Variants in IKZF2 observed in about 807,000 individuals in gnomAD.
The protein encoded by IKZF2 is IKAROS family zinc finger 2, also known as zinc finger protein Helios.
IKZF2 carries 15 observed loss-of-function variants against 49.2 expected under a neutral mutation model. The ratio of observed to expected loss-of-function variants is 0.30; its 90% CI spans 0.20 to 0.47. The LOEUF (loss-of-function observed/expected upper bound fraction) is 0.47. Ranked by LOEUF, IKZF2 falls within the 20% of genes least tolerant of loss-of-function variation. IKZF2 has a pLI of 1.00. For missense variants in IKZF2, 567 were observed against 664.6 expected, an observed-to-expected ratio of 0.85 and a Z score of 1.61; for synonymous variants, 227 against 221.4, an observed-to-expected ratio of 1.03 and a Z score of -0.23.
At chr2:213,015,426 A>C (rs1002070434) in intron 7 of IKZF2, 1 of 152,098 alleles carries the variant, frequency 6.6e-6, no homozygotes, top group African/African-American at 2.4e-5. Context: ...TCACATTGAA[A>C]AAGTATGTCC....
At chr2:213,151,343 A>G (rs1175092564) in intron 1 of IKZF2, 70 bp downstream of exon 1, 1 of 152,224 alleles carries the variant, frequency 6.6e-6, no homozygotes, top group East Asian at 1.9e-4. Flanking sequence ...ACATATTTAT[A>G]TATAATCTAT....
chr2:213,117,493 T>G (rs2059914509), intron 4 of IKZF2, among the ~76,000 whole-genome samples: 1 of 152,176 alleles, frequency 6.6e-6, no homozygotes, highest in African/African-American at 2.4e-5. Flanking sequence ...CAGTAGTTAT[T>G]GAACACCTAC....
At chr2:213,138,439 T>G (rs138287201) in intron 4 of IKZF2, among the ~76,000 whole-genome samples, 2 of 151,940 alleles carry the variant, frequency 1.3e-5, no homozygotes, top group African/African-American at 4.8e-5. Flanking sequence ...ACAAGTAAAT[T>G]AGGATTTTTG....
Position 213,151,448 on chromosome 2 carries a change from C to T in IKZF2, c.-155G>A, listed in dbSNP as rs1441804149. 1.3e-5 allele frequency: 2 copies of T among 152,570 alleles called. No homozygotes were observed. The highest frequency in any genetic ancestry group is 4.8e-5 in the African/African-American group (2 of 41,438). 9.5% of individuals were successfully genotyped at this position (152,570 alleles called of 1,614,324 possible). A position where few individuals can be genotyped will look rare whatever the true frequency, so the allele number is the denominator to read the frequency against. On this transcript the variant is annotated 5_prime_UTR_variant, in exon 1 of 9. Transcript: ENST00000434687. The stretch of plus-strand genomic sequence containing the variant: ...CATGCAGTAAAATAATCCCATCACC[C>T]TTTTGTTTGTGTTTACTGTTAATGT...
At chr2:213,044,748 T>C (rs902432367) in intron 6 of IKZF2, among the ~76,000 whole-genome samples, 1 of 152,162 alleles carries the variant, frequency 6.6e-6, no homozygotes, top group Non-Finnish European at 1.5e-5. Flanking sequence ...TTATGTCAGC[T>C]TTAAAAGGGT....
chr2:213,132,820 C>G (rs182767206), intron 4 of IKZF2, among the ~76,000 whole-genome samples: 1 of 152,292 alleles, frequency 6.6e-6, no homozygotes, highest in African/African-American at 2.4e-5. Flanking sequence ...CCGTCACAAA[C>G]AGAGTAGGTT....
intron 6 of IKZF2, among the ~76,000 whole-genome samples, chr2:213,047,318 G>C (rs551174541): frequency 6.6e-6 from 1 of 152,130 alleles, no homozygotes; most frequent in East Asian, 1.9e-4. Flanking sequence ...GCTACATGGA[G>C]TGGTGAAATG....
At chr2:213,059,231 A>C (rs765506817) in intron 4 of IKZF2, among the ~76,000 whole-genome samples, 27 of 151,816 alleles carry the variant, frequency 1.8e-4, no homozygotes, top group Non-Finnish European at 3.1e-4. Context: ...TTTCTCACTG[A>C]ATTTAAATGC....
intron 6 of IKZF2, among the ~76,000 whole-genome samples, chr2:213,035,243 A>T (rs1698889293): frequency 7.0e-6 from 1 of 143,022 alleles, no homozygotes; most frequent in Non-Finnish European, 1.6e-5. Flanking sequence ...ATGATCAATA[A>T]GTGGAAAATC....
Position 213,147,796 on chromosome 2 carries a change from T to A in IKZF2, c.51A>T (p.Ser17=), listed in dbSNP as rs1191338172. 1.2e-6 allele frequency: 2 copies of A among 1,613,120 alleles called. No homozygotes were observed. Among genetic ancestry groups the A allele is most frequent in the South Asian group, 1.1e-5 (1 of 91,020 alleles). ...DGYITCDNEL[S]PEREHSNMAI... is the part of the protein sequence containing the mutation. ...CCATATTGGAGTGCTCCCTTTCGGGTGAAAGCTCATTGTCACCTGCTTTCA... is the reference window on the plus strand; with the variant it reads ...CCATATTGGAGTGCTCCCTTTCGGGAGAAAGCTCATTGTCACCTGCTTTCA... The change falls in exon 4 of 9, where the codon TCA becomes TCT. Residue 17 remains serine (S), a synonymous_variant. Transcript: ENST00000434687.
chr2:213,019,397 C>A (rs999303412), intron 7 of IKZF2, among the ~76,000 whole-genome samples: 2 of 152,072 alleles, frequency 1.3e-5, no homozygotes, highest in South Asian at 2.1e-4. Context: ...ATATGCCAAG[C>A]TATTTATATG....
intron 6 of IKZF2, among the ~76,000 whole-genome samples, chr2:213,036,798 A>AT (rs1699076702): frequency 6.6e-6 from 1 of 152,158 alleles, no homozygotes; most frequent in African/African-American, 2.4e-5. Context: ...ATTTTCTACC[A>AT]TTTGAGAGTT....
At chr2:213,060,631 A>G (rs1463752140) in intron 4 of IKZF2, among the ~76,000 whole-genome samples, 1 of 151,442 alleles carries the variant, frequency 6.6e-6, no homozygotes, top group African/African-American at 2.4e-5. Context: ...ACTTGGGCAT[A>G]TCTGTGGAAA....
chr2:213,049,941 C>T (rs2125330972), intron 5 of IKZF2, 61 bp from the exon 6 acceptor site: 2 of 1,231,962 alleles, frequency 1.6e-6, no homozygotes, highest in East Asian at 2.7e-5. Flanking sequence ...ACTAATTTGC[C>T]ATCCACTGTT....
chr2:213,148,716 T>G, intron 2 of IKZF2, 72 bp from the exon 3 acceptor site: 2 of 1,308,412 alleles, frequency 1.5e-6, no homozygotes, highest in Middle Eastern at 1.9e-4. Flanking sequence ...CTTAACTTAT[T>G]TGAAGCTCCA....
intron 4 of IKZF2, among the ~76,000 whole-genome samples, chr2:213,128,689 A>G (rs6761270): frequency 0.14 from 20,848 of 151,784 alleles, 3,343 homozygotes; most frequent in African/African-American, 0.39. Flanking sequence ...GTACAGTGGC[A>G]TGATCTCAGC....
intron 4 of IKZF2, among the ~76,000 whole-genome samples, chr2:213,140,300 A>G (rs2060821773): frequency 6.6e-6 from 1 of 151,986 alleles, no homozygotes; most frequent in South Asian, 2.1e-4. Flanking sequence ...TGTCCCATCT[A>G]GGTAACCTCA....
intron 4 of IKZF2, among the ~76,000 whole-genome samples, chr2:213,081,523 GAA>G (rs1352851060): frequency 2.0e-5 from 3 of 152,158 alleles, no homozygotes; most frequent in Non-Finnish European, 4.4e-5. Context: ...GGTATAAGGA[GAA>G]GATATAAAAG....
chr2:213,047,694 A>G (rs934641326), intron 6 of IKZF2, among the ~76,000 whole-genome samples: 5 of 152,136 alleles, frequency 3.3e-5, no homozygotes, highest in Non-Finnish European at 7.4e-5. Flanking sequence ...TTTCCAGACT[A>G]CCAGAATGAT....
Sources: allele counts gnomAD v4.1 joint callset (sites outside exome capture counted in the v4.1 genomes callset), GRCh38; gene constraint gnomAD v4.1.1; transcripts MANE v1.5; gene names NCBI Gene and HGNC (gene_info 2026-07-23, HGNC 2026-07-21).